FBXW10: variants seen among roughly 807,000 people sequenced by gnomAD.
FBXW10 encodes the protein F-box/WD repeat-containing protein 10.
In FBXW10, 68 loss-of-function variants were observed where a neutral mutation model predicts 113.1. The ratio of observed to expected loss-of-function variants is 0.60; its 90% CI spans 0.49 to 0.74. FBXW10 has a LOEUF of 0.74. Among genes scored for constraint, FBXW10 ranks in the 30% least tolerant of loss-of-function variants. The pLI is 0.00. For missense variants in FBXW10, 753 were observed against 1,284.5 expected, an observed-to-expected ratio of 0.59 and a Z score of 6.32; for synonymous variants, 289 against 481.6, an observed-to-expected ratio of 0.60 and a Z score of 5.24.
intron 13 of FBXW10, among the ~76,000 whole-genome samples, chr17:18,776,691 T>C (rs1383902179): frequency 1.3e-5 from 2 of 152,224 alleles, no homozygotes; most frequent in African/African-American, 4.8e-5. Context: ...CTACTTGCAA[T>C]ATATGAGAGA....
rs1366817199 is a variant in FBXW10, at chr17:18,756,113, T to C, written c.1191T>C (p.Asn397=). The change falls in exon 6 of 14, where the codon AAT becomes AAC. Residue 397 remains asparagine, a synonymous_variant. Coordinates refer to ENST00000395665, the MANE Select transcript of FBXW10 (RefSeq NM_001267585.2). Reference sequence around the variant, plus strand: ...AGCAGGTCCTGATAGAGGAGAGAAATGTTTTCTGTGGGACCTACAATGTTC... The same window carrying C: ...AGCAGGTCCTGATAGAGGAGAGAAACGTTTTCTGTGGGACCTACAATGTTC... ...ETQQVLIEER[N]VFCGTYNVRI... 1 of 1,613,870 alleles carries C rather than the reference T, an allele frequency of 6.2e-7. No homozygotes were observed. The highest frequency in any genetic ancestry group is 1.1e-5 in the South Asian group (1 of 91,066).
chr17:18,770,951 G>A (rs1267815310), intron 11 of FBXW10, among the ~76,000 whole-genome samples: 2 of 152,026 alleles, frequency 1.3e-5, no homozygotes, highest in Non-Finnish European at 2.9e-5. Flanking sequence ...GAACTAACCT[G>A]TAAATTCTAC....
In FBXW10 at chr17:18,772,469, G is replaced by A; in HGVS notation, c.2064G>A (p.Trp688Ter). 2 of 1,614,058 alleles carry A rather than the reference G, an allele frequency of 1.2e-6. No homozygotes were observed. The highest frequency in any genetic ancestry group is 1.7e-6 in the Non-Finnish European group (2 of 1,179,910). The stretch of plus-strand genomic sequence containing the variant: ...TGTTCCAGTTTGAGCACATAAAGTG[G>A]CAGTATGCCGTGGAAAAAACGAAAC... ...VLMFQFEHIKWQYAVEKTKQK... is the reference protein window; with the variant it reads ...VLMFQFEHIK Residue 688 changes from tryptophan to a stop codon, truncating the protein, a stop_gained, in exon 12 of 14, where the codon TGG becomes TGA. Transcript: ENST00000395665. LOFTEE classifies it high-confidence loss of function.
Position 18,744,621 on chromosome 17 carries a change from C to A in FBXW10, c.377C>A (p.Ala126Glu). 1 of 1,613,934 alleles carries A rather than the reference C, an allele frequency of 6.2e-7. No individual in the cohort carries two copies. Among genetic ancestry groups the A allele is most frequent in the Non-Finnish European group, 8.5e-7 (1 of 1,179,866 alleles). ...QKMKEILYWFANSTQWTKANY... is the reference protein window; with the variant it reads ...QKMKEILYWFENSTQWTKANY... ...ATGAAAGAGATCTTGTACTGGTTTG[C>A]GAACAGCACCCAGTGGACCAAGGCG... The change falls in exon 1 of 14, where the codon GCG becomes GAG. Residue 126 changes from alanine to glutamate, a missense_variant. By Grantham distance (107) the Ala-to-Glu change is moderately radical. Coordinates refer to ENST00000395665, the MANE Select transcript of FBXW10 (RefSeq NM_001267585.2).
intron 12 of FBXW10, 126 bp downstream of exon 12, chr17:18,772,809 G>A (rs963921040): frequency 3.8e-6 from 3 of 782,654 alleles, no homozygotes; most frequent in Non-Finnish European, 6.3e-6. Context: ...GTTTCCTGAG[G>A]ATATAAATCC....
At chr17:18,778,185 A>T (rs1409677739) in intron 13 of FBXW10, among the ~76,000 whole-genome samples, 1 of 152,202 alleles carries the variant, frequency 6.6e-6, no homozygotes, top group African/African-American at 2.4e-5. Context: ...CCCGGAAGGC[A>T]GAGCTTGCAG....
Position 18,772,650 on chromosome 17 carries a change from C to T in FBXW10, c.2245C>T (p.Arg749Ter), listed in dbSNP as rs1398484329. Residue 749 changes from arginine to a stop codon, truncating the protein, a stop_gained, in exon 12 of 14, where the codon CGA (arginine) becomes TGA (stop). Transcript: ENST00000395665. LOFTEE classifies it high-confidence loss of function. ...ELLPGKPPKS[R>*]VLLKPAKFSS... Reference sequence around the variant, plus strand: ...CCTACCAGGCAAACCTCCCAAGTCCCGAGTACTCCTGAAGCCGGCCAAGTT... The same window carrying T: ...CCTACCAGGCAAACCTCCCAAGTCCTGAGTACTCCTGAAGCCGGCCAAGTT... 11 of 1,613,046 alleles carry T rather than the reference C, an allele frequency of 6.8e-6. No individual in the cohort carries two copies. The East Asian group carries it at 8.9e-5, about 13-fold the overall frequency.
chr17:18,768,934 A>ATTTTTTTTTT (rs59007149), intron 10 of FBXW10, among the ~76,000 whole-genome samples: 3 of 114,384 alleles, frequency 2.6e-5, no homozygotes, highest in Non-Finnish European at 1.7e-5. Flanking sequence ...GAAGTTATTG[A>ATTTTTTTTTT]TTTTTTTTTT....
At chr17:18,761,556 C>T (rs531121407) in intron 7 of FBXW10, among the ~76,000 whole-genome samples, 6 of 152,268 alleles carry the variant, frequency 3.9e-5, no homozygotes, top group Admixed American at 1.3e-4. Flanking sequence ...TGAGCCACCG[C>T]GCCCGGCCTC....
Position 18,749,986 on chromosome 17 carries a change from C to T in FBXW10, c.872-24C>T, listed in dbSNP as rs759734557. The T allele has an allele frequency of 3.1e-6, 5 of 1,614,014 alleles. 1 individual carries two copies. In the South Asian group the frequency reaches 5.5e-5, roughly 18 times the overall value. On this transcript the variant is annotated intron_variant, in intron 3 of 13. Transcript: ENST00000395665. ...CCCTCTTGGCCCAGTTCTGGGGTTT[C>T]TGGGTCCATCTTTTTTTTTCCAGGA...
chr17:18,753,068 T>C (rs971262521), intron 5 of FBXW10, among the ~76,000 whole-genome samples: 3 of 152,224 alleles, frequency 2.0e-5, no homozygotes, highest in Non-Finnish European at 4.4e-5. Context: ...ACCGCCACTT[T>C]AAGTTCCAGG....
rs543942409 is a variant in FBXW10 at position 18,772,774 on chromosome 17, C to T, written c.2278+91C>T. On this transcript the variant is annotated intron_variant, in intron 12 of 13. Transcript: ENST00000395665. ...TGGTGGGAGACGGGGAGGACTGGTT[C>T]GTTTGTGGAATATTTTGGCCAGTGG... The T allele has an allele frequency of 1.1e-4, 128 of 1,157,108 alleles. No individual in the cohort carries two copies. In the African/African-American group the frequency reaches 1.7e-3, roughly 15 times the overall value. 71.7% of individuals were successfully genotyped at this position (1,157,108 alleles called of 1,614,324 possible).
intron 5 of FBXW10, among the ~76,000 whole-genome samples, chr17:18,751,520 G>C (rs140249969): frequency 6.6e-6 from 1 of 152,108 alleles, no homozygotes; most frequent in Non-Finnish European, 1.5e-5. Flanking sequence ...GTGAGCCACC[G>C]CGCTCAGCCC....
chr17:18,750,101 G>T lies in FBXW10; in HGVS notation c.963G>T (p.Ala321=), dbSNP rs1260144356. ...AACAGGTCAAGATGGACTTGTCAGC[G>T]CACGGCTTCATTCAGAACCAGATTA... ...MAQQVKMDLS[A]HGFIQNQITF... is the part of the protein sequence containing the mutation. The change falls in exon 4 of 14, where the codon GCG becomes GCT. Residue 321 remains alanine, a synonymous_variant. Transcript: ENST00000395665. The T allele has an allele frequency of 6.2e-7, 1 of 1,611,752 alleles. No individual in the cohort carries two copies. Among genetic ancestry groups the T allele is most frequent in the Admixed American group, 1.7e-5 (1 of 59,776 alleles).
intron 13 of FBXW10, 29 bp from the exon 14 acceptor site, chr17:18,778,446 T>A: frequency 6.3e-7 from 1 of 1,584,740 alleles, no homozygotes; most frequent in South Asian, 1.2e-5. Flanking sequence ...GAACGCCGAT[T>A]TTTTAAAATT....
intron 2 of FBXW10, among the ~76,000 whole-genome samples, chr17:18,749,440 A>T (rs1433738168): frequency 2.0e-5 from 3 of 151,922 alleles, no homozygotes; most frequent in African/African-American, 7.2e-5. Context: ...CCAGCTACTC[A>T]GGAGGCTGAG....
chr17:18,753,327 C>T (rs1277416544), intron 5 of FBXW10, among the ~76,000 whole-genome samples: 2 of 151,954 alleles, frequency 1.3e-5, no homozygotes, highest in Non-Finnish European at 2.9e-5. Flanking sequence ...GGTATGCCTG[C>T]AGCTGCAGAA....
chr17:18,749,682 A>T (rs1287555761), intron 2 of FBXW10, 40 bp from the exon 3 acceptor site: 1 of 1,613,712 alleles, frequency 6.2e-7, no homozygotes, highest in African/African-American at 1.3e-5. Flanking sequence ...GTTTCTACAG[A>T]GCCAACTCAA....
chr17:18,757,719 C>G (rs1233839584), intron 6 of FBXW10, among the ~76,000 whole-genome samples: 5 of 152,326 alleles, frequency 3.3e-5, no homozygotes, highest in African/African-American at 1.2e-4. Context: ...TTTGGTCATC[C>G]TGTTCATACT....
Sources: gnomAD v4.1 joint callset for allele counts (sites outside exome capture counted in the v4.1 genomes callset) on GRCh38, gnomAD v4.1.1 for gene constraint, MANE v1.5 for transcripts, NCBI Gene and HGNC (gene_info 2026-07-23, HGNC 2026-07-21) for gene names.